FAM3C: variants seen among roughly 807,000 people sequenced by gnomAD.
The protein encoded by FAM3C is protein FAM3C.
Under a neutral mutation model 32.5 loss-of-function variants are expected in FAM3C, and 15 were observed. That is an observed-to-expected ratio of 0.46 (90% CI 0.31 to 0.71). The LOEUF is 0.71. FAM3C is among the 30% of genes least tolerant of loss of function. The probability of loss-of-function intolerance (pLI) is 0.05; values close to 1 mark genes in which losing one functional copy is unlikely to be tolerated. For missense variants in FAM3C, 175 were observed against 274.4 expected (o/e 0.64, Z 2.56); for synonymous variants, 75 against 86.1 (o/e 0.87, Z 0.72).
chr7:121,363,272 C>G (rs1206231432), intron 6 of FAM3C, among the ~76,000 whole-genome samples: 3 of 152,126 alleles, frequency 2.0e-5, no homozygotes, highest in Non-Finnish European at 1.5e-5. Flanking sequence ...TTTCCATATT[C>G]TCTTATTTTA....
chr7:121,381,845 A>G (rs1794364081), intron 2 of FAM3C, among the ~76,000 whole-genome samples: 1 of 152,160 alleles, frequency 6.6e-6, no homozygotes, highest in Non-Finnish European at 1.5e-5. Context: ...GTTTCTACAA[A>G]AGCATTTGTA....
chr7:121,395,252 G>GATAC (rs556892527), intron 1 of FAM3C, among the ~76,000 whole-genome samples: 3 of 43,104 alleles, frequency 7.0e-5, no homozygotes, highest in South Asian at 5.9e-4. Context: ...CATATATATG[G>GATAC]ATACATACAT....
chr7:121,353,778 A>G (rs1233810743), intron 8 of FAM3C, among the ~76,000 whole-genome samples: 1 of 152,136 alleles, frequency 6.6e-6, no homozygotes, highest in Non-Finnish European at 1.5e-5. Flanking sequence ...GGAAGAATTA[A>G]GCATGTCCTG....
At chr7:121,380,901 G>A (rs372230177) in intron 2 of FAM3C, among the ~76,000 whole-genome samples, 3 of 151,960 alleles carry the variant, frequency 2.0e-5, no homozygotes, top group East Asian at 1.9e-4. Flanking sequence ...ATTTGCCTAA[G>A]GTCACATAAC....
intron 8 of FAM3C, 40 bp from the exon 9 acceptor site, chr7:121,351,309 G>A: frequency 3.8e-6 from 6 of 1,590,864 alleles, no homozygotes; most frequent in Non-Finnish European, 5.1e-6. Flanking sequence ...TAAACAGAGG[G>A]AACTGTATGC....
chr7:121,372,989 T>A (rs1383166159), intron 3 of FAM3C, among the ~76,000 whole-genome samples: 1 of 152,110 alleles, frequency 6.6e-6, no homozygotes, highest in Non-Finnish European at 1.5e-5. Context: ...AATGACCAAG[T>A]AAATAAAAGC....
chr7:121,372,177 T>C, intron 3 of FAM3C, 38 bp from the exon 4 acceptor site: 3 of 1,478,298 alleles, frequency 2.0e-6, no homozygotes, highest in Non-Finnish European at 2.8e-6. Context: ...AAGGAATGAG[T>C]CTATTGGCAA....
chr7:121,365,030 GCA>G (rs1309435749), intron 5 of FAM3C, among the ~76,000 whole-genome samples: 1 of 152,094 alleles, frequency 6.6e-6, no homozygotes, highest in Non-Finnish European at 1.5e-5. Flanking sequence ...GACTACACGT[GCA>G]CACACTTGTC....
chr7:121,378,884 T>A lies in FAM3C; in HGVS notation c.118+26A>T. On this transcript the variant is annotated intron_variant, in intron 3 of 9. Coordinates refer to ENST00000359943, the MANE Select transcript of FAM3C (RefSeq NM_014888.3). ...TTTAGGCCACATCAAAAATAAGATTTAAGAAAGGAAAAAAATAAAACTTAC... is the reference window on the plus strand; with the variant it reads ...TTTAGGCCACATCAAAAATAAGATTAAAGAAAGGAAAAAAATAAAACTTAC... 5 of 1,299,716 alleles carry A rather than the reference T, an allele frequency of 3.8e-6. 1 individual carries two copies. In the Middle Eastern group the frequency reaches 1.0e-3, roughly 263 times the overall value. The allele number at this position is 1,299,716 out of a possible 1,614,324, so 80.5% of individuals were successfully genotyped here.
intron 5 of FAM3C, among the ~76,000 whole-genome samples, chr7:121,369,993 A>G (rs1794113201): frequency 6.6e-6 from 1 of 152,232 alleles, no homozygotes; most frequent in South Asian, 2.1e-4. Flanking sequence ...TCAAGGGGGC[A>G]GAATAGATGT....
chr7:121,380,113 C>T (rs1794319226), intron 2 of FAM3C: 2 of 152,110 alleles, frequency 1.3e-5, no homozygotes, highest in African/African-American at 4.8e-5. Context: ...CAACTGTTTG[C>T]TAAGTAGATA....
chr7:121,381,710 C>T (rs1460281336), intron 2 of FAM3C, among the ~76,000 whole-genome samples: 1 of 150,714 alleles, frequency 6.6e-6, no homozygotes, highest in Non-Finnish European at 1.5e-5. Flanking sequence ...CATAAAAAGA[C>T]ATTGCAACAC....
chr7:121,367,880 C>A (rs1286554267), intron 5 of FAM3C, among the ~76,000 whole-genome samples: 3 of 151,920 alleles, frequency 2.0e-5, no homozygotes, highest in South Asian at 2.1e-4. Context: ...GTGGGAAGAT[C>A]GCTTGAGTCC....
intron 5 of FAM3C, among the ~76,000 whole-genome samples, chr7:121,365,722 A>G (rs975990467): frequency 2.0e-5 from 3 of 152,186 alleles, no homozygotes; most frequent in Non-Finnish European, 4.4e-5. Context: ...AGAAATTGGC[A>G]AAGTGAATTA....
intron 3 of FAM3C, among the ~76,000 whole-genome samples, chr7:121,378,428 T>C (rs1400048172): frequency 6.6e-6 from 1 of 152,080 alleles, no homozygotes; most frequent in Non-Finnish European, 1.5e-5. Context: ...CCAGTGATCC[T>C]CCCACCTCGG....
In FAM3C at chr7:121,349,266, A is replaced by G. The variant is rs1164664381; in HGVS notation, c.*1195T>C. 1 of 152,522 alleles carries G rather than the reference A, an allele frequency of 6.6e-6. No individual in the cohort carries two copies. The highest frequency in any genetic ancestry group is 2.4e-5 in the African/African-American group (1 of 41,424). The allele number at this position is 152,522 out of a possible 1,614,324, so 9.4% of individuals were successfully genotyped here. ...GCCTTACACTGTGAATGGCAGTTTG[A>G]TCACTAAATTTATGTTCCAGTTTGA... On this transcript the variant is annotated 3_prime_UTR_variant, in exon 10 of 10. Coordinates refer to ENST00000359943, the MANE Select transcript of FAM3C (RefSeq NM_014888.3).
chr7:121,395,176 C>CAT (rs1369560841), intron 1 of FAM3C, among the ~76,000 whole-genome samples: 1 of 151,496 alleles, frequency 6.6e-6, no homozygotes, highest in African/African-American at 2.4e-5. Flanking sequence ...TGGATACATA[C>CAT]ATATATATGG....
intron 1 of FAM3C, among the ~76,000 whole-genome samples, chr7:121,395,814 G>A (rs1794680648): frequency 6.6e-6 from 1 of 152,078 alleles, no homozygotes; most frequent in Non-Finnish European, 1.5e-5. Flanking sequence ...AGGGGCGCGA[G>A]CCACAGCCAA....
At chr7:121,370,342 C>T (rs1004893750) in intron 5 of FAM3C, among the ~76,000 whole-genome samples, 6 of 152,222 alleles carry the variant, frequency 3.9e-5, no homozygotes, top group African/African-American at 1.4e-4. Context: ...CAGCTAACTG[C>T]CTGCAAAAGA....
Sources: allele counts gnomAD v4.1 joint callset (sites outside exome capture counted in the v4.1 genomes callset), GRCh38; gene constraint gnomAD v4.1.1; transcripts MANE v1.5; gene names NCBI Gene and HGNC (gene_info 2026-07-23, HGNC 2026-07-21).